The following TTLL5 variants were observed in gnomAD, a reference collection of about 807,000 sequenced individuals.
The protein encoded by TTLL5 is tubulin polyglutamylase TTLL5.
In TTLL5, 132 loss-of-function variants were observed where a neutral mutation model predicts 168.4. That is an observed-to-expected ratio of 0.78 (90% confidence interval 0.68 to 0.91). TTLL5 has a LOEUF of 0.91. Ranked by LOEUF, TTLL5 falls within the 40% of genes least tolerant of loss-of-function variation. The pLI is 0.00. For synonymous variants in TTLL5, 546 were observed against 558.6 expected (o/e 0.98, Z 0.32); for missense variants, 1,545 against 1,581.5 (o/e 0.98, Z 0.39).
intron 23 of TTLL5, among the ~76,000 whole-genome samples, chr14:75,779,028 C>T (rs1891891675): frequency 6.6e-6 from 1 of 152,104 alleles, no homozygotes. Flanking sequence ...TGTAAAGGTC[C>T]AGATAATAAA....
At chr14:75,950,968 C>CA (rs556201324) in intron 31 of TTLL5, among the ~76,000 whole-genome samples, 140 of 141,986 alleles carry the variant, frequency 9.9e-4, no homozygotes, top group Non-Finnish European at 1.2e-3. Context: ...GACCCTGTCT[C>CA]AAAAAAAAAA....
At chr14:75,734,241 A>G (rs1333326305) in intron 14 of TTLL5, among the ~76,000 whole-genome samples, 191 bp downstream of exon 14, 1 of 152,228 alleles carries the variant, frequency 6.6e-6, no homozygotes, top group Non-Finnish European at 1.5e-5. Context: ...CTGAGGCTGA[A>G]CCACAACTAA....
At chr14:75,792,130 A>C (rs949538390) in intron 26 of TTLL5, among the ~76,000 whole-genome samples, 1 of 150,396 alleles carries the variant, frequency 6.6e-6, no homozygotes, top group Non-Finnish European at 1.5e-5. Context: ...TGCTTAAATA[A>C]TAGAATGCTC....
intron 28 of TTLL5, among the ~76,000 whole-genome samples, chr14:75,840,704 G>A (rs1413139864): frequency 6.6e-6 from 1 of 152,092 alleles, no homozygotes; most frequent in Non-Finnish European, 1.5e-5. Flanking sequence ...AATGAAAATG[G>A]GAATCCCTTG....
At chr14:75,878,635 A>G (rs980668867) in intron 29 of TTLL5, among the ~76,000 whole-genome samples, 1 of 152,240 alleles carries the variant, frequency 6.6e-6, no homozygotes, top group African/African-American at 2.4e-5. Flanking sequence ...ACCCAAACAA[A>G]GTCAGAGTAG....
rs1888807903 is a variant in TTLL5 at position 75,735,231 on chromosome 14, C to G, written c.1223C>G (p.Thr408Ser). Residue 408 changes from threonine (T) to serine (S), a missense_variant, in exon 15 of 32, where the codon ACT becomes AGT. Thr to Ser is a moderately conservative substitution (Grantham distance 58). Transcript: ENST00000298832. Reference protein sequence around the residue: ...VCQDPAQRASTRPIYPTFESS... With the variant: ...VCQDPAQRASSRPIYPTFESS... ...CAAGATCCTGCCCAGCGGGCATCAA[C>G]TCGGCCAATTTATCCCACCTTTGAG... 5 of 1,614,230 alleles carry G rather than the reference C, an allele frequency of 3.1e-6. No homozygotes were observed. Among genetic ancestry groups the G allele is most frequent in the Non-Finnish European group, 4.2e-6 (5 of 1,180,008 alleles).
chr14:75,732,511 G>A, intron 13 of TTLL5, 92 bp downstream of exon 13: 1 of 1,124,542 alleles, frequency 8.9e-7, no homozygotes, highest in Non-Finnish European at 1.3e-6. Flanking sequence ...GGCACTAGAA[G>A]ACTGTTTTTT....
intron 7 of TTLL5, among the ~76,000 whole-genome samples, chr14:75,700,587 G>A (rs983991694): frequency 2.0e-5 from 3 of 152,124 alleles, no homozygotes; most frequent in African/African-American, 7.2e-5. Flanking sequence ...GCAAAACCCC[G>A]GAAGCATGCC....
At position 75,783,395 on chromosome 14, in the gene TTLL5, G is replaced by A. The variant is rs769458841; in HGVS notation, c.2851G>A (p.Ala951Thr). The A allele has an allele frequency of 2.4e-5, 38 of 1,613,976 alleles. No homozygotes were observed. Among genetic ancestry groups the A allele is most frequent in the Non-Finnish European group, 3.0e-5 (35 of 1,180,028 alleles). The change falls in exon 26 of 32, where the codon GCA becomes ACA. Residue 951 changes from alanine (A) to threonine (T), a missense_variant. Ala to Thr is a moderately conservative substitution (Grantham distance 58). Coordinates refer to ENST00000298832, the MANE Select transcript of TTLL5 (RefSeq NM_015072.5). ...TGCTTCTCCCTGCCTACATCCCGGGGCACAGAACATCCCAAGCCCTACTGG... is the reference window on the plus strand; with the variant it reads ...TGCTTCTCCCTGCCTACATCCCGGGACACAGAACATCCCAAGCCCTACTGG... ...ASASPCLHPG[A>T]QNIPSPTGLP...
Position 75,951,876 on chromosome 14 carries a change from T to A in TTLL5, c.3824-2548T>A, listed in dbSNP as rs192613495. 6.6e-3 allele frequency among the ~76,000 whole-genome samples: 1,010 copies of A among 152,314 alleles called. 4 individuals carry two copies. Among genetic ancestry groups the A allele is most frequent in the Non-Finnish European group, 0.011 (720 of 68,022 alleles). The stretch of plus-strand genomic sequence containing the variant: ...TAAGCAAAGAACTTCTAAAATTCAA[T>A]AAGCAGTTTCTTAGATATGACATCA... On this transcript the variant is annotated intron_variant, in intron 31 of 31. Transcript: ENST00000298832.
chr14:75,816,958 A>G (rs1490601657), intron 27 of TTLL5, among the ~76,000 whole-genome samples: 3 of 145,528 alleles, frequency 2.1e-5, no homozygotes, highest in South Asian at 2.2e-4. Context: ...ATTTGCTACT[A>G]TATCTTCCCT....
intron 29 of TTLL5, among the ~76,000 whole-genome samples, chr14:75,866,962 C>T (rs1400352796): frequency 1.3e-5 from 2 of 152,080 alleles, no homozygotes; most frequent in African/African-American, 4.8e-5. Context: ...GCATAATAAA[C>T]AAAATAAGAC....
rs758240443 is a variant in TTLL5 at position 75,886,948 on chromosome 14, TA to T, written c.3740+4048del. On this transcript the variant is annotated intron_variant, in intron 30 of 31. Transcript: ENST00000298832. ...TGAAAGGGTGGGGCCAAAGATGTTG[TA>T]ACCTGGGAGACTTCTCTGAAGAAAG... The T allele has an allele frequency of 1.7e-4, 239 of 1,422,704 alleles. 1 individual carries two copies. The highest frequency in any genetic ancestry group is 2.1e-4 in the Non-Finnish European group (226 of 1,096,820). 88.1% of individuals were successfully genotyped at this position (1,422,704 alleles called of 1,614,324 possible). A position where few individuals can be genotyped will look rare whatever the true frequency, so the allele number is the denominator to read the frequency against.
intron 26 of TTLL5, among the ~76,000 whole-genome samples, chr14:75,788,987 G>GA (rs1180296289): frequency 6.6e-6 from 1 of 151,950 alleles, no homozygotes; most frequent in African/African-American, 2.4e-5. Flanking sequence ...ATATAATAAA[G>GA]AAAAAACCAT....
chr14:75,757,761 G>C (rs1890370721), intron 18 of TTLL5: 2 of 1,393,572 alleles, frequency 1.4e-6, no homozygotes, highest in Non-Finnish European at 1.9e-6. Context: ...TGGAGTGCAT[G>C]TGTGTGTGAA....
intron 6 of TTLL5, 113 bp from the exon 7 acceptor site, chr14:75,699,075 A>G: frequency 1.2e-6 from 1 of 860,112 alleles, no homozygotes. Flanking sequence ...AGAAATTTGT[A>G]AGATTTTTGG....
At chr14:75,729,576 C>A (rs78533318) in intron 12 of TTLL5, among the ~76,000 whole-genome samples, 90 of 152,134 alleles carry the variant, frequency 5.9e-4, no homozygotes, top group African/African-American at 2.1e-3. Flanking sequence ...CCATTCCCCC[C>A]ACCAATGCCA....
intron 12 of TTLL5, among the ~76,000 whole-genome samples, chr14:75,726,155 A>G (rs562551765): frequency 2.6e-5 from 4 of 152,306 alleles, no homozygotes; most frequent in South Asian, 2.1e-4. Flanking sequence ...TTAGTAATCT[A>G]TTAGGCCTTG....
At position 75,782,592 on chromosome 14, in the gene TTLL5, A is replaced by G; in HGVS notation, c.2602+19A>G. On this transcript the variant is annotated intron_variant, in intron 25 of 31. Coordinates refer to ENST00000298832, the MANE Select transcript of TTLL5 (RefSeq NM_015072.5). The stretch of plus-strand genomic sequence containing the variant: ...TTATCTCGTGAGTGATTTCAAACCT[A>G]CCTAGATTTGCTGCTCTCTGATAAT... 6.3e-7 allele frequency: 1 copy of G among 1,599,962 alleles called. No homozygotes were observed. The highest frequency in any genetic ancestry group is 8.5e-7 in the Non-Finnish European group (1 of 1,169,624).
Sources: allele counts gnomAD v4.1 joint callset (sites outside exome capture counted in the v4.1 genomes callset), GRCh38; gene constraint gnomAD v4.1.1; transcripts MANE v1.5; gene names NCBI Gene and HGNC (gene_info 2026-07-23, HGNC 2026-07-21).